ITSN2: variants seen among roughly 807,000 people sequenced by gnomAD.
ITSN2 encodes intersectin-2.
A neutral mutation model predicts 243.7 loss-of-function variants in ITSN2; 156 were observed. The observed-to-expected ratio is 0.64, with a 90% CI of 0.56 to 0.73. The LOEUF is 0.73. Ranked by LOEUF, ITSN2 falls within the 30% of genes least tolerant of loss-of-function variation. The probability of loss-of-function intolerance (pLI) is 0.00; values close to 1 mark genes in which losing one functional copy is unlikely to be tolerated. For missense variants in ITSN2, 1,801 were observed against 1,996.1 expected (o/e 0.90, Z 1.86); for synonymous variants, 703 against 699.9 (o/e 1.00, Z -0.07).
intron 4 of ITSN2, among the ~76,000 whole-genome samples, chr2:24,313,027 TTATTTTCAATA>T (rs1683445752): frequency 6.6e-6 from 1 of 152,020 alleles, no homozygotes; most frequent in African/African-American, 2.4e-5. Flanking sequence ...TAAACCTGAA[TTATTTTCAATA>T]ATTTGCTCAA....
At chr2:24,209,662 G>C (rs1460766153) in intron 35 of ITSN2, among the ~76,000 whole-genome samples, 156 bp downstream of exon 35, 1 of 152,206 alleles carries the variant, frequency 6.6e-6, no homozygotes, top group Non-Finnish European at 1.5e-5. Context: ...GCTGCATGGG[G>C]CCCTTCCCGT....
At chr2:24,269,484 A>G (rs931781966) in intron 20 of ITSN2, among the ~76,000 whole-genome samples, 1 of 152,240 alleles carries the variant, frequency 6.6e-6, no homozygotes, top group East Asian at 1.9e-4. Context: ...ATGATTCAGC[A>G]GAGTACACAA....
At chr2:24,359,081 C>A (rs573997609) in intron 1 of ITSN2, among the ~76,000 whole-genome samples, 1 of 152,244 alleles carries the variant, frequency 6.6e-6, no homozygotes, top group Non-Finnish European at 1.5e-5. Flanking sequence ...GAGTCACAGG[C>A]ACAGCCAAAA....
intron 1 of ITSN2, among the ~76,000 whole-genome samples, chr2:24,352,935 A>G (rs1241677258): frequency 1.3e-5 from 2 of 152,240 alleles, no homozygotes; most frequent in Non-Finnish European, 2.9e-5. Flanking sequence ...TATTACAGCA[A>G]AACTATTTAC....
intron 38 of ITSN2, 92 bp downstream of exon 38, chr2:24,205,122 A>G: frequency 2.0e-6 from 2 of 1,022,410 alleles, no homozygotes; most frequent in Non-Finnish European, 3.1e-6. Context: ...ACTCCAGCCT[A>G]GGTTATACAC....
intron 18 of ITSN2, among the ~76,000 whole-genome samples, chr2:24,275,461 G>A (rs574797239): frequency 6.6e-6 from 1 of 152,238 alleles, no homozygotes; most frequent in African/African-American, 2.4e-5. Context: ...ACTTAACCAA[G>A]GTCACCCAGG....
intron 29 of ITSN2, among the ~76,000 whole-genome samples, chr2:24,231,270 G>T (rs1671561887): frequency 6.6e-6 from 1 of 152,112 alleles, no homozygotes. Flanking sequence ...CTCCAAGATG[G>T]CAGAAATTTT....
At chr2:24,242,425 A>T (rs540992742) in intron 29 of ITSN2, among the ~76,000 whole-genome samples, 1 of 152,176 alleles carries the variant, frequency 6.6e-6, no homozygotes, top group Non-Finnish European at 1.5e-5. Flanking sequence ...GCTTTCATTG[A>T]CTATTACAAG....
chr2:24,279,920 G>C (rs1359315575), intron 17 of ITSN2, among the ~76,000 whole-genome samples: 1 of 151,924 alleles, frequency 6.6e-6, no homozygotes, highest in East Asian at 1.9e-4. Flanking sequence ...TTTTAGTAGA[G>C]ATGAGGTTTC....
intron 37 of ITSN2, chr2:24,206,294 A>G (rs1200883576): frequency 2.3e-6 from 1 of 430,726 alleles, no homozygotes; most frequent in Admixed American, 2.9e-5. Context: ...AAAAACACAT[A>G]AAGAGCTGCA....
At chr2:24,214,731 A>G (rs770046969) in intron 32 of ITSN2, among the ~76,000 whole-genome samples, 1 of 152,034 alleles carries the variant, frequency 6.6e-6, no homozygotes, top group East Asian at 1.9e-4. Flanking sequence ...TGTGCTTTTT[A>G]CCTTTATTAC....
At position 24,310,396 on chromosome 2, in the gene ITSN2, A is replaced by G; in HGVS notation, c.557-16T>C. The G allele has an allele frequency of 6.2e-7, 1 of 1,610,876 alleles. No homozygotes were observed. The highest frequency in any genetic ancestry group is 1.3e-5 in the African/African-American group (1 of 74,794). On this transcript the variant is annotated splice_polypyrimidine_tract_variant and intron_variant, in intron 6 of 39. Coordinates refer to ENST00000355123, the MANE Select transcript of ITSN2 (RefSeq NM_006277.3). ...TGAGGCAATGCTAAAAAAGAAAAAG[A>G]AGGAAAAGTATGAAAGAAATTTGTA...
At chr2:24,233,664 A>G (rs945012835) in intron 29 of ITSN2, among the ~76,000 whole-genome samples, 3 of 152,196 alleles carry the variant, frequency 2.0e-5, no homozygotes, top group African/African-American at 7.2e-5. Context: ...ACTAAATGTT[A>G]GCTGTTATTT....
rs145080382 is a variant in ITSN2 at position 24,225,675 on chromosome 2, C to T, written c.3578-4609G>A. Among the ~76,000 whole-genome samples the T allele has an allele frequency of 2.1e-3, 324 of 152,254 alleles. 4 individuals are homozygous for T. The highest frequency in any genetic ancestry group is 3.7e-3 in the Non-Finnish European group (251 of 68,014). ...AGGCTCCTGATGCTCCTGTCCTGTGCGGTCAGATGAATCCAGACAATGCTG... is the reference window on the plus strand; with the variant it reads ...AGGCTCCTGATGCTCCTGTCCTGTGTGGTCAGATGAATCCAGACAATGCTG... On this transcript the variant is annotated intron_variant, in intron 29 of 39. Transcript: ENST00000355123. The surrounding 1 kb of genome is among the most constrained non-coding windows in gnomAD (Gnocchi z 4.2).
Position 24,208,304 on chromosome 2 carries a change from C to G in ITSN2, c.4611G>C (p.Gln1537His). The G allele has an allele frequency of 2.5e-6, 4 of 1,612,460 alleles. No homozygotes were observed. Among genetic ancestry groups the G allele is most frequent in the Non-Finnish European group, 3.4e-6 (4 of 1,179,862 alleles). ...DNINERTAWVQKIKAASEQYI... is the reference protein window; with the variant it reads ...DNINERTAWVHKIKAASEQYI... ...ACTGCTCAGACGCCGCCTTGATCTT[C>G]TGCACCCAGGCGGTCCTACGGGAGA... Residue 1537 changes from glutamine to histidine, a missense_variant, in exon 37 of 40, where the codon CAG becomes CAC. By Grantham distance (24) the Gln-to-His change is conservative. Transcript: ENST00000355123.
chr2:24,337,275 A>ATG (rs1553395842), intron 1 of ITSN2, among the ~76,000 whole-genome samples: 3 of 2,592 alleles, frequency 1.2e-3, no homozygotes, highest in African/African-American at 2.5e-3. Flanking sequence ...GTGTGTCTAT[A>ATG]TGTATGTATG....
In ITSN2 at chr2:24,246,831, T is replaced by G. The variant is rs1051148470; in HGVS notation, c.3351A>C (p.Pro1117=). ...FPASHVKLLG[P]SSERATPAFH... is the part of the protein sequence containing the mutation. Reference sequence around the variant, plus strand: ...AGGCAGGTGTGGCTCTTTCACTACTTGGACCCAAAAGTTTAACATGACTGG... The same window carrying G: ...AGGCAGGTGTGGCTCTTTCACTACTGGGACCCAAAAGTTTAACATGACTGG... Residue 1117 remains proline (P), a synonymous_variant, in exon 28 of 40, where the codon CCA becomes CCC. Coordinates refer to ENST00000355123, the MANE Select transcript of ITSN2 (RefSeq NM_006277.3). 2.5e-6 allele frequency: 4 copies of G among 1,613,098 alleles called. No homozygotes were observed. The highest frequency in any genetic ancestry group is 3.4e-6 in the Non-Finnish European group (4 of 1,179,398).
intron 22 of ITSN2, among the ~76,000 whole-genome samples, chr2:24,259,989 A>C (rs1341715578): frequency 6.6e-6 from 1 of 152,154 alleles, no homozygotes; most frequent in East Asian, 1.9e-4. Context: ...TGATATGATC[A>C]TAATTAATTG....
At chr2:24,291,889 T>C (rs980116005) in intron 15 of ITSN2, among the ~76,000 whole-genome samples, 1 of 152,128 alleles carries the variant, frequency 6.6e-6, no homozygotes, top group African/African-American at 2.4e-5. Context: ...AACTGGAAAA[T>C]AAGACAAAGA....
Sources: gnomAD v4.1 joint callset for allele counts (sites outside exome capture counted in the v4.1 genomes callset) on GRCh38, gnomAD v4.1.1 for gene constraint, Gnocchi (gnomAD v3.1) non-coding constraint, MANE v1.5 for transcripts, NCBI Gene and HGNC (gene_info 2026-07-23, HGNC 2026-07-21) for gene names.